Variants in RIN2 observed in about 807,000 individuals in gnomAD.
RIN2 encodes the protein Ras and Rab interactor 2.
In RIN2, 36 loss-of-function variants were observed where a neutral mutation model predicts 78.0. The ratio of observed to expected loss-of-function variants is 0.46; its 90% CI spans 0.35 to 0.61. The LOEUF is 0.61. Ranked by LOEUF, RIN2 falls within the 20% of genes least tolerant of loss-of-function variation. RIN2 has a pLI of 0.00. For synonymous variants in RIN2, 466 were observed against 466.8 expected (o/e 1.00, Z 0.02); for missense variants, 1,087 against 1,159.7 (o/e 0.94, Z 0.91).
chr20:19,832,003 G>A (rs1267066625), intron 2 of RIN2, among the ~76,000 whole-genome samples: 1 of 152,012 alleles, frequency 6.6e-6, no homozygotes, highest in Non-Finnish European at 1.5e-5. Context: ...ATCTTACACA[G>A]TGTTCGCCAT....
intron 4 of RIN2, among the ~76,000 whole-genome samples, chr20:19,939,652 T>C (rs1049676566): frequency 3.3e-5 from 5 of 152,136 alleles, no homozygotes; most frequent in African/African-American, 1.2e-4. Flanking sequence ...TCAGCTCCAG[T>C]CCCACTGACT....
chr20:19,775,858 A>G (rs1205076627), intron 1 of RIN2, among the ~76,000 whole-genome samples: 1 of 152,224 alleles, frequency 6.6e-6, no homozygotes, highest in African/African-American at 2.4e-5. Flanking sequence ...AGCTGCAGTT[A>G]GGAGCCTCAC....
chr20:19,808,414 A>T (rs2035479264), intron 2 of RIN2, among the ~76,000 whole-genome samples: 1 of 152,160 alleles, frequency 6.6e-6, no homozygotes, highest in Middle Eastern at 3.2e-3. Context: ...CCCTGCTTTG[A>T]CCATCTAGCT....
chr20:19,939,485 C>T (rs762489827), intron 4 of RIN2, among the ~76,000 whole-genome samples: 3 of 152,198 alleles, frequency 2.0e-5, no homozygotes, highest in Non-Finnish European at 4.4e-5. Context: ...TTTTAGTTCA[C>T]CTAAGTCCAA....
intron 2 of RIN2, among the ~76,000 whole-genome samples, chr20:19,805,184 G>A (rs920599904): frequency 2.6e-5 from 4 of 152,110 alleles, no homozygotes; most frequent in South Asian, 2.1e-4. Context: ...ATTGGGATGC[G>A]GGTATTTATA....
In RIN2 at chr20:19,956,711, C is replaced by T; in HGVS notation, c.255C>T (p.Ser85=). Residue 85 remains serine, a synonymous_variant, in exon 5 of 13, where the codon AGC becomes AGT. Coordinates refer to ENST00000255006, the MANE Select transcript of RIN2 (RefSeq NM_018993.4). ...ATGACAGCCTCTCCAACAGGCTCAG[C>T]ATCTTGGACCGGCTCCTCCACACCC... is the stretch of plus-strand genomic sequence containing the variant. ...SGYDSLSNRL[S]ILDRLLHTHP... 1 of 1,611,738 alleles carries T rather than the reference C, an allele frequency of 6.2e-7. No individual in the cohort carries two copies. The highest frequency in any genetic ancestry group is 8.5e-7 in the Non-Finnish European group (1 of 1,179,048).
intron 1 of RIN2, among the ~76,000 whole-genome samples, chr20:19,758,693 G>A (rs551792122): frequency 2.6e-5 from 4 of 152,324 alleles, no homozygotes; most frequent in Admixed American, 2.0e-4. Context: ...GCGGGTGTGC[G>A]TGCGTGTGCA....
intron 3 of RIN2, among the ~76,000 whole-genome samples, chr20:19,920,529 C>T (rs1349809797): frequency 6.6e-6 from 1 of 152,178 alleles, no homozygotes; most frequent in African/African-American, 2.4e-5. Flanking sequence ...CAGCCACACA[C>T]GCTGCTTCCG....
intron 2 of RIN2, among the ~76,000 whole-genome samples, chr20:19,861,061 G>T (rs927177930): frequency 6.6e-6 from 1 of 152,134 alleles, no homozygotes; most frequent in African/African-American, 2.4e-5. Context: ...TAAGTTTAGG[G>T]TTAACAGTTC....
chr20:19,948,505 A>C (rs1002299565), intron 4 of RIN2, among the ~76,000 whole-genome samples: 13 of 152,010 alleles, frequency 8.6e-5, no homozygotes, highest in Non-Finnish European at 1.8e-4. Context: ...AGCCATTCTC[A>C]TGCCTCAGCC....
At chr20:19,965,104 T>A in intron 7 of RIN2, 80 bp downstream of exon 7, 1 of 1,175,118 alleles carries the variant, frequency 8.5e-7, no homozygotes, top group South Asian at 1.2e-5. Context: ...TCTTGAAGGA[T>A]CTAGGAGGCT....
chr20:19,945,587 G>C (rs1382179598), intron 4 of RIN2, among the ~76,000 whole-genome samples: 1 of 152,192 alleles, frequency 6.6e-6, no homozygotes, highest in Non-Finnish European at 1.5e-5. Context: ...ACCTTGGATG[G>C]AGCACTGGTC....
At chr20:19,952,555 C>T (rs2041362566) in intron 4 of RIN2, among the ~76,000 whole-genome samples, 1 of 152,202 alleles carries the variant, frequency 6.6e-6, no homozygotes, top group Non-Finnish European at 1.5e-5. Flanking sequence ...CCCCATGAAT[C>T]TTATTCACCA....
intron 3 of RIN2, among the ~76,000 whole-genome samples, chr20:19,908,172 T>C (rs1237351470): frequency 6.6e-6 from 1 of 152,096 alleles, no homozygotes; most frequent in Non-Finnish European, 1.5e-5. Flanking sequence ...AGGCATTATG[T>C]TGTGTTATGG....
At chr20:19,890,679 C>CAAAAAAAAAAAAAAAA (rs534202183) in intron 3 of RIN2, among the ~76,000 whole-genome samples, 8 of 64,456 alleles carry the variant, frequency 1.2e-4, no homozygotes, top group African/African-American at 1.7e-4. Flanking sequence ...GTTGACTCTA[C>CAAAAAAAAAAAAAAAA]AAAAAAAAAA....
chr20:19,926,157 T>G (rs1488525498), intron 3 of RIN2, among the ~76,000 whole-genome samples: 2 of 152,188 alleles, frequency 1.3e-5, no homozygotes, highest in Non-Finnish European at 2.9e-5. Flanking sequence ...CACACAAAAC[T>G]GATAACAGTG....
rs190615042 is a variant in RIN2, at chr20:19,893,176, G to A, written c.57+3518G>A. Among the ~76,000 whole-genome samples the A allele has an allele frequency of 2.2e-4, 33 of 152,294 alleles. No individual in the cohort carries two copies. In the Middle Eastern group the frequency reaches 0.01, roughly 47 times the overall value. On this transcript the variant is annotated intron_variant, in intron 3 of 12. Transcript: ENST00000255006. The stretch of plus-strand genomic sequence containing the variant: ...AATCTTTCCCAAGGAAGCGGACTTC[G>A]ATTTGAGAGCTGAGGTCGACATTAT...
At chr20:19,778,010 CAAAGGAGGAAAAA>C (rs2034371496) in intron 1 of RIN2, among the ~76,000 whole-genome samples, 2 of 152,134 alleles carry the variant, frequency 1.3e-5, no homozygotes, top group Admixed American at 1.3e-4. Context: ...GCTGTATTTT[CAAAGGAGGAAAAA>C]AGCATGCCTT....
chr20:19,772,240 C>G (rs2034155552), intron 1 of RIN2, among the ~76,000 whole-genome samples: 1 of 152,168 alleles, frequency 6.6e-6, no homozygotes, highest in Non-Finnish European at 1.5e-5. Context: ...TTACTTCCAG[C>G]TCCCACATCT....
Sources: gnomAD v4.1 joint callset for allele counts (sites outside exome capture counted in the v4.1 genomes callset) on GRCh38, gnomAD v4.1.1 for gene constraint, MANE v1.5 for transcripts, NCBI Gene and HGNC (gene_info 2026-07-23, HGNC 2026-07-21) for gene names.